Variants in MAF observed in about 807,000 individuals in gnomAD.
The protein encoded by MAF is MAF bZIP transcription factor, also known as transcription factor Maf.
Under a neutral mutation model 22.0 loss-of-function variants are expected in MAF, and 10 were observed. The ratio of observed to expected loss-of-function variants is 0.45; its 90% CI spans 0.28 to 0.77. The LOEUF (loss-of-function observed/expected upper bound fraction) is 0.77, where lower values mean the gene tolerates loss of function less well. Ranked by LOEUF, MAF falls within the 30% of genes least tolerant of loss-of-function variation. MAF has a pLI of 0.12. For synonymous variants in MAF, 337 were observed against 255.8 expected, an observed-to-expected ratio of 1.32 and a Z score of -3.03; for missense variants, 544 against 548.4, an observed-to-expected ratio of 0.99 and a Z score of 0.08.
At chr16:79,226,244 C>G in the MAF span, among the ~76,000 whole-genome samples, 1 of 152,132 alleles carries the variant, frequency 6.6e-6, no homozygotes, top group Admixed American at 6.5e-5. Context: ...ATGGATGAAG[C>G]TGAAAACCAA....
At chr16:79,247,085 C>A in the MAF span, among the ~76,000 whole-genome samples, 1 of 152,098 alleles carries the variant, frequency 6.6e-6, no homozygotes, top group Non-Finnish European at 1.5e-5. Context: ...AAGTGCCGGG[C>A]AAGGGCATTA....
At chr16:79,353,469 G>A in the MAF span, among the ~76,000 whole-genome samples, 1 of 152,150 alleles carries the variant, frequency 6.6e-6, no homozygotes, top group South Asian at 2.1e-4. Context: ...GAAGTTATGA[G>A]GCTAATGGTC....
At chr16:79,451,927 G>A in the MAF span, among the ~76,000 whole-genome samples, 1 of 152,160 alleles carries the variant, frequency 6.6e-6, no homozygotes, top group Admixed American at 6.5e-5. Flanking sequence ...ACTTACATGT[G>A]TGCAGAGTCT....
the MAF span, among the ~76,000 whole-genome samples, chr16:79,483,559 A>C: frequency 6.6e-6 from 1 of 151,978 alleles, no homozygotes; most frequent in Admixed American, 6.5e-5. Flanking sequence ...AGAATGGGCA[A>C]GATTGACCAG....
At chr16:79,234,980 G>A in the MAF span, among the ~76,000 whole-genome samples, 1 of 152,110 alleles carries the variant, frequency 6.6e-6, no homozygotes, top group African/African-American at 2.4e-5. Flanking sequence ...CTGGTCCAAG[G>A]AAGACAGAGA....
At chr16:79,445,499 G>C in the MAF span, among the ~76,000 whole-genome samples, 1 of 152,212 alleles carries the variant, frequency 6.6e-6, no homozygotes, top group Non-Finnish European at 1.5e-5. Context: ...AGATGGCTCA[G>C]CTGGGATTCA....
At chr16:79,393,106 G>A in the MAF span, among the ~76,000 whole-genome samples, 11 of 152,224 alleles carry the variant, frequency 7.2e-5, no homozygotes, top group African/African-American at 2.7e-4. Context: ...GGAAATCTAT[G>A]CAGAGAGGAT....
chr16:79,557,298 T>C, the MAF span, among the ~76,000 whole-genome samples: 9 of 152,036 alleles, frequency 5.9e-5, no homozygotes, highest in South Asian at 1.9e-3. Flanking sequence ...AATTAGACAA[T>C]GGTCAAGATC....
chr16:79,280,829 A>C, the MAF span, among the ~76,000 whole-genome samples: 47 of 152,294 alleles, frequency 3.1e-4, no homozygotes, highest in African/African-American at 1.1e-3. Context: ...AACTGCACCT[A>C]AGACAGCGTG....
At chr16:79,208,224 C>T in the MAF span, among the ~76,000 whole-genome samples, 1 of 152,156 alleles carries the variant, frequency 6.6e-6, no homozygotes, top group South Asian at 2.1e-4. Context: ...GGCATTCGGG[C>T]ATGATTAAAA....
the MAF span, among the ~76,000 whole-genome samples, chr16:79,207,859 A>G: frequency 6.6e-6 from 1 of 151,976 alleles, no homozygotes; most frequent in African/African-American, 2.4e-5. Context: ...GTCAATATGC[A>G]TTTGTATTCT....
chr16:79,355,874 G>A, the MAF span, among the ~76,000 whole-genome samples: 70 of 152,248 alleles, frequency 4.6e-4, 1 homozygote, highest in Middle Eastern at 6.8e-3. Context: ...AGAGGGAGAT[G>A]AGGCTCTTTC....
chr16:79,419,754 T>C, the MAF span, among the ~76,000 whole-genome samples: 4 of 152,068 alleles, frequency 2.6e-5, no homozygotes, highest in Admixed American at 6.5e-5. Context: ...GAGGAAGAAA[T>C]CATCTTTGTA....
the MAF span, among the ~76,000 whole-genome samples, chr16:79,397,611 A>G: frequency 6.6e-6 from 1 of 152,232 alleles, no homozygotes; most frequent in Admixed American, 6.5e-5. Context: ...GGCTGGTTGC[A>G]TAGATGATGG....
chr16:79,430,628 AGG>A, the MAF span, among the ~76,000 whole-genome samples: 1 of 152,208 alleles, frequency 6.6e-6, no homozygotes, highest in Non-Finnish European at 1.5e-5. Flanking sequence ...TGAGAGGCCC[AGG>A]CCTGGTGTTG....
At chr16:79,436,457 G>T in the MAF span, among the ~76,000 whole-genome samples, 2 of 152,210 alleles carry the variant, frequency 1.3e-5, no homozygotes, top group African/African-American at 4.8e-5. Flanking sequence ...AGACATGTGC[G>T]TTAACGCTTC....
the MAF span, among the ~76,000 whole-genome samples, chr16:79,508,224 T>A: frequency 4.6e-5 from 7 of 152,190 alleles, no homozygotes; most frequent in African/African-American, 1.7e-4. Context: ...CAAATCTGCC[T>A]CACCCAGGGA....
the MAF span, among the ~76,000 whole-genome samples, chr16:79,208,912 C>G: frequency 1.3e-5 from 2 of 152,124 alleles, no homozygotes; most frequent in South Asian, 2.1e-4. Context: ...AATTGTCCAG[C>G]AAGGGAGGAA....
At chr16:79,322,814 C>T in the MAF span, among the ~76,000 whole-genome samples, 6 of 151,850 alleles carry the variant, frequency 4.0e-5, no homozygotes, top group Admixed American at 2.6e-4. Context: ...GTCAGCTCAC[C>T]GGACCCCATA....
Sources: allele counts gnomAD v4.1 joint callset (sites outside exome capture counted in the v4.1 genomes callset), GRCh38; gene constraint gnomAD v4.1.1; transcripts MANE v1.5; gene names NCBI Gene and HGNC (gene_info 2026-07-23, HGNC 2026-07-21).